USP28: variants seen among roughly 807,000 people sequenced by gnomAD.
The protein encoded by USP28 is ubiquitin specific peptidase 28.
In USP28, 113 loss-of-function variants were observed where a neutral mutation model predicts 145.0. The ratio of observed to expected loss-of-function variants is 0.78; its 90% CI spans 0.67 to 0.91. The LOEUF is 0.91. Among genes scored for constraint, USP28 ranks in the 40% least tolerant of loss-of-function variants. USP28 has a pLI of 0.00. For missense variants in USP28, 1,201 were observed against 1,289.6 expected (o/e 0.93, Z 1.05); for synonymous variants, 447 against 450.9 (o/e 0.99, Z 0.11).
chr11:113,800,340 C>T (rs1938759013), intron 24 of USP28, among the ~76,000 whole-genome samples: 1 of 151,508 alleles, frequency 6.6e-6, no homozygotes, highest in South Asian at 2.1e-4. Context: ...GATAGGGTCT[C>T]ACTCCAAGCT....
intron 12 of USP28, among the ~76,000 whole-genome samples, chr11:113,820,137 T>C (rs1451845486): frequency 6.6e-5 from 10 of 152,206 alleles, no homozygotes; most frequent in Non-Finnish European, 1.5e-4. Context: ...AGAAACACTT[T>C]ACAAATTCTT....
chr11:113,804,607 G>T, intron 21 of USP28, 66 bp downstream of exon 22: 2 of 1,416,880 alleles, frequency 1.4e-6, no homozygotes, highest in Non-Finnish European at 1.9e-6. Context: ...TGTTTATTTT[G>T]CCTCAGGTAC....
chr11:113,814,378 G>C lies in USP28; in HGVS notation c.1673-423C>G, dbSNP rs559484658. Among the ~76,000 whole-genome samples the C allele has an allele frequency of 2.0e-5, 3 of 152,144 alleles. No homozygotes were observed. The East Asian group carries it at 5.8e-4, about 29-fold the overall frequency. ...CCCTAGACAAAAGGAGACAGGAAGGGGGGTAAGGTTAGTCTGAGCAATATG... is the reference window on the plus strand; with the variant it reads ...CCCTAGACAAAAGGAGACAGGAAGGCGGGTAAGGTTAGTCTGAGCAATATG... On this transcript the variant is annotated intron_variant, in intron 14 of 24. Transcript: ENST00000003302.
At chr11:113,814,461 T>C (rs1352100525) in intron 14 of USP28, among the ~76,000 whole-genome samples, 1 of 152,180 alleles carries the variant, frequency 6.6e-6, no homozygotes, top group Non-Finnish European at 1.5e-5. Flanking sequence ...AATTTTACAT[T>C]GTGCATACTG....
chr11:113,875,406 A>G (rs1722848326), intron 1 of USP28, 39 bp downstream of exon 1: 2 of 1,227,076 alleles, frequency 1.6e-6, no homozygotes, highest in African/African-American at 1.6e-5. Flanking sequence ...CAGGGCCTGG[A>G]GCCCGCCCCC....
rs1414004698 is a variant in USP28 at position 113,804,769 on chromosome 11, C to T, written c.2580-18G>A. On this transcript the variant is annotated intron_variant, in intron 20 of 24. Transcript: ENST00000003302. ...TGATTGATCTGTGTGGGACAAAGTTCAGAAAGCAATGAAAAGGCACAGGGC... is the reference window on the plus strand; with the variant it reads ...TGATTGATCTGTGTGGGACAAAGTTTAGAAAGCAATGAAAAGGCACAGGGC... 6.2e-7 allele frequency: 1 copy of T among 1,612,218 alleles called. No individual in the cohort carries two copies. The highest frequency in any genetic ancestry group is 8.5e-7 in the Non-Finnish European group (1 of 1,179,958).
intron 3 of USP28, among the ~76,000 whole-genome samples, chr11:113,847,820 G>A (rs1946043472): frequency 6.6e-6 from 1 of 152,150 alleles, no homozygotes; most frequent in Admixed American, 6.5e-5. Flanking sequence ...TCATGACAGG[G>A]ATATTCACTC....
chr11:113,875,508 G>T, exon 1 of USP28: 1 of 1,169,320 alleles, frequency 8.6e-7, no homozygotes, highest in South Asian at 3.6e-5. Flanking sequence ...TCATGGCCGA[G>T]GCGCCCAGCC....
chr11:113,804,591 C>T, intron 21 of USP28, 82 bp downstream of exon 22: 1 of 1,300,822 alleles, frequency 7.7e-7, no homozygotes, highest in South Asian at 1.4e-5. Flanking sequence ...TGTAATAGCA[C>T]AAAATTGTTT....
intron 3 of USP28, among the ~76,000 whole-genome samples, chr11:113,843,790 G>C (rs1945499141): frequency 6.6e-6 from 1 of 151,952 alleles, no homozygotes; most frequent in Non-Finnish European, 1.5e-5. Context: ...TACATCAATG[G>C]AATAGAATTT....
chr11:113,823,493 T>C, intron 12 of USP28, 112 bp downstream of exon 12: 1 of 885,986 alleles, frequency 1.1e-6, no homozygotes, highest in Non-Finnish European at 1.7e-6. Context: ...TTAGCTGTTT[T>C]ATAAAATATT....
At chr11:113,854,890 C>G (rs1946877002) in intron 1 of USP28, among the ~76,000 whole-genome samples, 1 of 152,118 alleles carries the variant, frequency 6.6e-6, no homozygotes, top group Non-Finnish European at 1.5e-5. Flanking sequence ...AATATTCTAG[C>G]CTTAATGGAC....
chr11:113,803,680 A>G, intron 22 of USP28, 118 bp downstream of exon 23: 2 of 762,458 alleles, frequency 2.6e-6, no homozygotes, highest in South Asian at 1.8e-5. Flanking sequence ...GAAGAGGCAC[A>G]CTAGTGTATG....
At chr11:113,844,459 AAAG>A (rs1170687051) in intron 3 of USP28, among the ~76,000 whole-genome samples, 1 of 151,964 alleles carries the variant, frequency 6.6e-6, no homozygotes, top group Admixed American at 6.6e-5. Flanking sequence ...AAGAAAAAAA[AAAG>A]AAGAGACAAC....
intron 12 of USP28, chr11:113,818,325 G>A (rs1438918464): frequency 6.6e-6 from 1 of 152,584 alleles, no homozygotes; most frequent in African/African-American, 2.4e-5. Flanking sequence ...CTAATTTTTT[G>A]TATTTTTAGT....
chr11:113,842,900 C>G (rs1439127625), intron 3 of USP28, among the ~76,000 whole-genome samples: 2 of 152,146 alleles, frequency 1.3e-5, no homozygotes, highest in African/African-American at 4.8e-5. Flanking sequence ...TCTATTATCA[C>G]TGCTTTTATT....
At chr11:113,853,103 G>A (rs926417846) in intron 2 of USP28, among the ~76,000 whole-genome samples, 6 of 152,076 alleles carry the variant, frequency 3.9e-5, no homozygotes, top group Non-Finnish European at 8.8e-5. Flanking sequence ...AGGAATTGGA[G>A]ACCAGCTTGA....
chr11:113,803,131 C>A (rs756389721), intron 23 of USP28, 27 bp downstream of exon 24: 26 of 1,597,962 alleles, frequency 1.6e-5, no homozygotes, highest in Non-Finnish European at 2.0e-5. Context: ...AACAAAAAAA[C>A]CTTAAGGCTT....
intron 13 of USP28, among the ~76,000 whole-genome samples, chr11:113,815,851 C>T (rs567467264): frequency 6.6e-5 from 10 of 152,184 alleles, no homozygotes; most frequent in African/African-American, 1.9e-4. Context: ...GAACAAAATA[C>T]ACAGAAGGAA....
Sources: gnomAD v4.1 joint callset for allele counts (sites outside exome capture counted in the v4.1 genomes callset) on GRCh38, gnomAD v4.1.1 for gene constraint, MANE v1.5 for transcripts, NCBI Gene and HGNC (gene_info 2026-07-23, HGNC 2026-07-21) for gene names.